The following RARB variants were observed in gnomAD, a reference collection of about 807,000 sequenced individuals.
RARB encodes the protein retinoic acid receptor beta.
In RARB, 17 loss-of-function variants were observed where a neutral mutation model predicts 51.9. The observed-to-expected ratio is 0.33, with a 90% confidence interval of 0.22 to 0.49. The LOEUF (loss-of-function observed/expected upper bound fraction) is 0.49. Among genes scored for constraint, RARB ranks in the 20% least tolerant of loss-of-function variants. The pLI, the probability that RARB is intolerant of heterozygous loss-of-function variation, is 0.99. For missense variants in RARB, 369 were observed against 550.8 expected (o/e 0.67, Z 3.30); for synonymous variants, 215 against 195.4 (o/e 1.10, Z -0.84).
intron 2 of RARB, among the ~76,000 whole-genome samples, chr3:24,887,508 T>C (rs1443886211): frequency 1.3e-5 from 2 of 152,332 alleles, no homozygotes; most frequent in East Asian, 1.9e-4. Context: ...TAGAATGTTA[T>C]GGTTATGCTT....
Position 25,443,104 on chromosome 3 carries a change from C to T in RARB, c.157+14216C>T, listed in dbSNP as rs142602950. On this transcript the variant is annotated intron_variant, in intron 1 of 7. Coordinates refer to ENST00000330688, the MANE Select transcript of RARB (RefSeq NM_000965.5). The stretch of plus-strand genomic sequence containing the variant: ...CCCAGAGTGCGGCACACAGTAGGTG[C>T]TCAGAAATATGCTGAGTGTAGTTCA... Among the ~76,000 whole-genome samples the T allele has an allele frequency of 1.2e-3, 176 of 152,246 alleles. 1 individual carries two copies. Among genetic ancestry groups the T allele is most frequent in the African/African-American group, 4.0e-3 (167 of 41,534 alleles).
In RARB at chr3:25,321,042, G is replaced by A. The variant is rs576498247; in HGVS notation, c.179-140151G>A. 7.2e-5 allele frequency among the ~76,000 whole-genome samples: 11 copies of A among 152,146 alleles called. No homozygotes were observed. The South Asian group carries it at 1.5e-3, about 20-fold the overall frequency. Reference sequence around the variant, plus strand: ...CAAAGGAACTTTGGGTTTCCCTTTCGGAGCACTTTTTTTCCAAGTGGTATA... The same window carrying A: ...CAAAGGAACTTTGGGTTTCCCTTTCAGAGCACTTTTTTTCCAAGTGGTATA... On this transcript the variant is annotated intron_variant, in intron 5 of 11. Coordinates refer to the RARB transcript ENST00000383772.
At chr3:25,360,006 C>G (rs149947392) in intron 5 of RARB, among the ~76,000 whole-genome samples, 1 of 152,300 alleles carries the variant, frequency 6.6e-6, no homozygotes, top group African/African-American at 2.4e-5. Flanking sequence ...AGCTCCAGAG[C>G]TGAGTTCAAG....
At chr3:25,540,835 C>T (rs901679045) in intron 3 of RARB, among the ~76,000 whole-genome samples, 2 of 152,086 alleles carry the variant, frequency 1.3e-5, no homozygotes, top group African/African-American at 4.8e-5. Context: ...AGAAATCACT[C>T]CTACTAGCTT....
intron 5 of RARB, among the ~76,000 whole-genome samples, chr3:25,216,703 T>G (rs1575227656): frequency 1.3e-5 from 2 of 151,894 alleles, no homozygotes; most frequent in African/African-American, 2.4e-5. Context: ...TATCCTGTTT[T>G]TTTTTTAGAA....
At chr3:25,355,139 A>G (rs1378120465) in intron 5 of RARB, among the ~76,000 whole-genome samples, 1 of 152,116 alleles carries the variant, frequency 6.6e-6, no homozygotes, top group Admixed American at 6.6e-5. Flanking sequence ...TTAGAATACT[A>G]CCTGGTGTGT....
chr3:25,341,779 TAAC>T (rs746728471), intron 5 of RARB, among the ~76,000 whole-genome samples: 7 of 152,094 alleles, frequency 4.6e-5, no homozygotes, highest in Non-Finnish European at 1.0e-4. Flanking sequence ...CAGCCCCCCA[TAAC>T]AAAGAATTGT....
chr3:24,834,873 C>T (rs937445109), intron 1 of RARB, among the ~76,000 whole-genome samples: 1 of 152,142 alleles, frequency 6.6e-6, no homozygotes, highest in African/African-American at 2.4e-5. Flanking sequence ...GCTGTAGAAC[C>T]AGTCTCATAG....
intron 2 of RARB, among the ~76,000 whole-genome samples, chr3:25,056,397 A>G (rs1217991500): frequency 6.6e-6 from 1 of 152,170 alleles, no homozygotes; most frequent in Non-Finnish European, 1.5e-5. Context: ...TTGTGAACAT[A>G]ATTTGCCCAG....
intron 3 of RARB, among the ~76,000 whole-genome samples, chr3:25,544,616 C>T (rs1458672428): frequency 6.6e-6 from 1 of 152,156 alleles, no homozygotes; most frequent in African/African-American, 2.4e-5. Context: ...TAGAACTGCT[C>T]ATCTGGAATT....
chr3:25,133,768 G>C (rs191105124), intron 4 of RARB, among the ~76,000 whole-genome samples: 1 of 151,708 alleles, frequency 6.6e-6, no homozygotes, highest in Non-Finnish European at 1.5e-5. Context: ...ATGCAGACAC[G>C]CGTCCAAGAC....
chr3:25,235,717 C>G (rs576206933), intron 5 of RARB, among the ~76,000 whole-genome samples: 1 of 152,172 alleles, frequency 6.6e-6, no homozygotes. Context: ...TGAAGACATG[C>G]GTGCGAGCAC....
intron 4 of RARB, among the ~76,000 whole-genome samples, chr3:25,575,034 C>A (rs189796183): frequency 2.0e-5 from 3 of 152,264 alleles, no homozygotes; most frequent in Admixed American, 2.0e-4. Context: ...GCCAGTATCA[C>A]CCAGCAGCGG....
At chr3:25,260,597 C>A (rs965661833) in intron 5 of RARB, among the ~76,000 whole-genome samples, 1 of 152,090 alleles carries the variant, frequency 6.6e-6, no homozygotes, top group African/African-American at 2.4e-5. Flanking sequence ...AACTGCAACC[C>A]AACCCCAACC....
At chr3:25,506,844 C>A (rs886971087) in intron 3 of RARB, among the ~76,000 whole-genome samples, 1 of 152,224 alleles carries the variant, frequency 6.6e-6, no homozygotes, top group Non-Finnish European at 1.5e-5. Flanking sequence ...CTCTGTGATC[C>A]CATCCCATGC....
chr3:25,014,002 C>T (rs1273717099), intron 2 of RARB, among the ~76,000 whole-genome samples: 1 of 152,100 alleles, frequency 6.6e-6, no homozygotes, highest in Non-Finnish European at 1.5e-5. Context: ...TTCTCCCTCT[C>T]TCAACTTTGA....
chr3:24,948,926 C>T (rs573658544), intron 2 of RARB, among the ~76,000 whole-genome samples: 11 of 152,250 alleles, frequency 7.2e-5, no homozygotes, highest in African/African-American at 2.6e-4. Flanking sequence ...CCTGTAGAAC[C>T]ATGACAATTA....
chr3:25,367,763 C>A, intron 5 of RARB, among the ~76,000 whole-genome samples: 1 of 150,514 alleles, frequency 6.6e-6, no homozygotes, highest in East Asian at 2.0e-4. Context: ...AAGATCGCAC[C>A]CCTGCACTCC....
At chr3:25,259,885 C>T in intron 5 of RARB, 2 of 983,268 alleles carry the variant, frequency 2.0e-6, no homozygotes, top group Non-Finnish European at 2.4e-6. Flanking sequence ...AGCTTCTTTC[C>T]TGGACAAGAT....
Sources: allele counts gnomAD v4.1 joint callset (sites outside exome capture counted in the v4.1 genomes callset), GRCh38; gene constraint gnomAD v4.1.1; transcripts MANE v1.5; gene names NCBI Gene and HGNC (gene_info 2026-07-23, HGNC 2026-07-21).